MORN4: variants seen among roughly 807,000 people sequenced by gnomAD.
The protein encoded by MORN4 is MORN repeat-containing protein 4.
A neutral mutation model predicts 16.4 loss-of-function variants in MORN4; 8 were observed. That is an observed-to-expected ratio of 0.49 (90% CI 0.29 to 0.88). The LOEUF (loss-of-function observed/expected upper bound fraction) is 0.88. Ranked by LOEUF, MORN4 falls within the 40% of genes least tolerant of loss-of-function variation. MORN4 has a pLI of 0.09. For missense variants in MORN4, 159 were observed against 182.9 expected, an observed-to-expected ratio of 0.87 and a Z score of 0.75; for synonymous variants, 53 against 68.9, an observed-to-expected ratio of 0.77 and a Z score of 1.14.
intron 1 of MORN4, among the ~76,000 whole-genome samples, chr10:97,629,300 T>C (rs1428850388): frequency 1.3e-5 from 2 of 152,146 alleles, no homozygotes; most frequent in African/African-American, 4.8e-5. Context: ...GGCAGGAGAA[T>C]TGCTTAACCC....
At chr10:97,624,021 C>T (rs1338183334) in intron 1 of MORN4, among the ~76,000 whole-genome samples, 1 of 152,016 alleles carries the variant, frequency 6.6e-6, no homozygotes, top group Non-Finnish European at 1.5e-5. Flanking sequence ...CAGGCATGAG[C>T]CACCGTGCCT....
At chr10:97,616,826 T>C in intron 3 of MORN4, 39 bp from the exon 4 acceptor site, 1 of 1,431,212 alleles carries the variant, frequency 7.0e-7, no homozygotes, top group South Asian at 1.1e-5. Context: ...AGTGGAAAGT[T>C]AGCTGTCCAG....
intron 1 of MORN4, among the ~76,000 whole-genome samples, chr10:97,627,843 A>T (rs1428461052): frequency 6.6e-6 from 1 of 152,172 alleles, no homozygotes; most frequent in Non-Finnish European, 1.5e-5. Context: ...GGTACTTGCC[A>T]TGTCATCTCT....
At chr10:97,624,058 C>T (rs1360093427) in intron 1 of MORN4, among the ~76,000 whole-genome samples, 1 of 152,034 alleles carries the variant, frequency 6.6e-6, no homozygotes, top group Non-Finnish European at 1.5e-5. Context: ...TCTTAAATCT[C>T]GGGGGCCTGG....
At chr10:97,627,582 A>T (rs1589923297) in intron 1 of MORN4, among the ~76,000 whole-genome samples, 1 of 152,292 alleles carries the variant, frequency 6.6e-6, no homozygotes, top group South Asian at 2.1e-4. Context: ...GACGAGTTAT[A>T]AGAATCCCTG....
chr10:97,617,822 T>G (rs2041250203), intron 2 of MORN4, among the ~76,000 whole-genome samples: 1 of 151,876 alleles, frequency 6.6e-6, no homozygotes, highest in African/African-American at 2.4e-5. Flanking sequence ...ATCGCGCCAC[T>G]GCACTCCAGC....
chr10:97,625,511 A>C (rs2041338828), intron 1 of MORN4, among the ~76,000 whole-genome samples: 1 of 152,228 alleles, frequency 6.6e-6, no homozygotes. Flanking sequence ...CTGTCCACTA[A>C]ATGTTAGTTT....
intron 1 of MORN4, among the ~76,000 whole-genome samples, chr10:97,625,392 T>C (rs922711589): frequency 1.3e-5 from 2 of 152,198 alleles, no homozygotes; most frequent in Non-Finnish European, 2.9e-5. Context: ...GTATTTCACA[T>C]AGTTGGCAGG....
chr10:97,620,472 G>C (rs1428172937), intron 1 of MORN4, among the ~76,000 whole-genome samples: 1 of 129,778 alleles, frequency 7.7e-6, no homozygotes, highest in Non-Finnish European at 1.5e-5. Context: ...CTGGGTGACG[G>C]AGCAAGACTC....
chr10:97,629,023 G>A (rs2041372551), intron 1 of MORN4, among the ~76,000 whole-genome samples: 1 of 152,148 alleles, frequency 6.6e-6, no homozygotes, highest in Admixed American at 6.5e-5. Flanking sequence ...TCCATTAAAA[G>A]GTGAAATCTA....
At chr10:97,618,306 C>G (rs1263475333) in intron 2 of MORN4, among the ~76,000 whole-genome samples, 2 of 138,990 alleles carry the variant, frequency 1.4e-5, no homozygotes, top group Non-Finnish European at 3.0e-5. Context: ...ACTCTGTCGC[C>G]CAGGCTGGAG....
intron 2 of MORN4, among the ~76,000 whole-genome samples, chr10:97,619,214 A>C (rs2077189708): frequency 6.6e-6 from 1 of 152,142 alleles, no homozygotes; most frequent in African/African-American, 2.4e-5. Context: ...AATCCCAGCT[A>C]CTTGGGAGGC....
intron 1 of MORN4, among the ~76,000 whole-genome samples, chr10:97,624,818 A>T (rs2041333420): frequency 6.6e-6 from 1 of 151,970 alleles, no homozygotes; most frequent in African/African-American, 2.4e-5. Flanking sequence ...TCAGCCTCCC[A>T]AGTAGCTGGG....
intron 1 of MORN4, among the ~76,000 whole-genome samples, chr10:97,630,705 G>C (rs1474655369): frequency 1.3e-5 from 2 of 152,252 alleles, no homozygotes; most frequent in Non-Finnish European, 2.9e-5. Flanking sequence ...ATTTGGGACA[G>C]TGTCTGGATT....
intron 1 of MORN4, among the ~76,000 whole-genome samples, chr10:97,623,207 T>C (rs1564766631): frequency 6.6e-6 from 1 of 152,154 alleles, no homozygotes; most frequent in Non-Finnish European, 1.5e-5. Context: ...GATCCTTACT[T>C]CAAAGCTTGT....
intron 3 of MORN4, 77 bp downstream of exon 3, chr10:97,617,131 A>G (rs2041242729): frequency 9.1e-7 from 1 of 1,096,110 alleles, no homozygotes; most frequent in African/African-American, 1.5e-5. Flanking sequence ...AGGATTGACC[A>G]GATATTTACC....
At chr10:97,620,394 G>A (rs369293877) in intron 1 of MORN4, among the ~76,000 whole-genome samples, 3 of 150,356 alleles carry the variant, frequency 2.0e-5, no homozygotes, top group Admixed American at 6.6e-5. Context: ...AGGCTGAGGC[G>A]GGAGAATCAC....
chr10:97,616,835 A>G, intron 3 of MORN4, 48 bp from the exon 4 acceptor site: 1 of 1,308,684 alleles, frequency 7.6e-7, no homozygotes, highest in Admixed American at 1.7e-5. Flanking sequence ...TTAGCTGTCC[A>G]GATGAACGGA....
At chr10:97,631,374 A>G (rs931403041) in intron 1 of MORN4, among the ~76,000 whole-genome samples, 1 of 152,160 alleles carries the variant, frequency 6.6e-6, no homozygotes, top group African/African-American at 2.4e-5. Flanking sequence ...GAAAATTACT[A>G]TTCTGTCCCT....
Sources: allele counts gnomAD v4.1 joint callset (sites outside exome capture counted in the v4.1 genomes callset), GRCh38; gene constraint gnomAD v4.1.1; transcripts MANE v1.5; gene names NCBI Gene and HGNC (gene_info 2026-07-23, HGNC 2026-07-21).